WWP2: variants seen among roughly 807,000 people sequenced by gnomAD.
WWP2 encodes the protein WW domain containing E3 ubiquitin protein ligase 2.
A neutral mutation model predicts 121.0 loss-of-function variants in WWP2; 57 were observed. The observed-to-expected ratio is 0.47, with a 90% CI of 0.38 to 0.59. The LOEUF (loss-of-function observed/expected upper bound fraction) is 0.59. WWP2 is among the 20% of genes least tolerant of loss of function. WWP2 has a pLI of 0.00. For missense variants in WWP2, 962 were observed against 1,158.9 expected, an observed-to-expected ratio of 0.83 and a Z score of 2.47; for synonymous variants, 449 against 441.3, an observed-to-expected ratio of 1.02 and a Z score of -0.22.
chr16:69,821,913 C>A (rs1441821222), intron 4 of WWP2, among the ~76,000 whole-genome samples: 1 of 151,792 alleles, frequency 6.6e-6, no homozygotes, highest in Admixed American at 6.6e-5. Context: ...ACTCTGTCAC[C>A]CTGGCTAGCG....
At chr16:69,856,592 T>A (rs1275131010) in intron 6 of WWP2, among the ~76,000 whole-genome samples, 1 of 151,976 alleles carries the variant, frequency 6.6e-6, no homozygotes, top group Non-Finnish European at 1.5e-5. Flanking sequence ...CTGGCCAACA[T>A]GGTGAAACCA....
chr16:69,775,113 G>C (rs749221247), intron 1 of WWP2: 1 of 152,162 alleles, frequency 6.6e-6, no homozygotes, highest in Admixed American at 6.6e-5. Flanking sequence ...GGAGAAATAC[G>C]ATTGGACAAA....
In WWP2 at chr16:69,762,385, A is replaced by G. The variant is rs909336510; in HGVS notation, c.-22A>G. On this transcript the variant is annotated 5_prime_UTR_variant, in exon 1 of 24. Transcript: ENST00000359154. The stretch of plus-strand genomic sequence containing the variant: ...GGAGTTCGGCGCCGCTTCTGTGGCC[A>G]CGGCAGGTAGCGAGCGCTGGCGCGG... 1 of 148,814 alleles carries G rather than the reference A, an allele frequency of 6.7e-6. No individual in the cohort carries two copies. Among genetic ancestry groups the G allele is most frequent in the African/African-American group, 2.5e-5 (1 of 40,784 alleles). The allele number at this position is 148,814 out of a possible 1,614,324, so 9.2% of individuals were successfully genotyped here.
chr16:69,787,957 C>T (rs1282839977), intron 2 of WWP2: 1 of 152,480 alleles, frequency 6.6e-6, no homozygotes, highest in Non-Finnish European at 1.5e-5. Context: ...TAGTCCAGGC[C>T]ACCATTGTCT....
In WWP2 at chr16:69,931,858, C is replaced by G; in HGVS notation, c.1650C>G (p.Gly550=). The G allele has an allele frequency of 6.2e-7, 1 of 1,613,682 alleles. No individual in the cohort carries two copies. The highest frequency in any genetic ancestry group is 1.7e-5 in the Admixed American group (1 of 60,024). ...LRRRLYIIMR[G]EEGLDYGGIA... ...GCCGGCTCTACATCATCATGCGTGG[C>G]GAGGAGGGCCTGGACTATGGGGGCA... Residue 550 remains glycine, a synonymous_variant, in exon 16 of 24, where the codon GGC becomes GGG. Transcript: ENST00000359154.
In WWP2 at chr16:69,787,066, A is replaced by C. The variant is rs892120436; in HGVS notation, c.56A>C (p.Gln19Pro). 2 of 1,613,490 alleles carry C rather than the reference A, an allele frequency of 1.2e-6. No individual in the cohort carries two copies. The highest frequency in any genetic ancestry group is 8.5e-7 in the Non-Finnish European group (1 of 1,179,758). ...AGVALPFEKS[Q>P]LTLKVVSAKP... Reference sequence around the variant, plus strand: ...GTGGCCCTGCCTTTTGAGAAGTCTCAGCTCACTTTGAAAGGTGAGTGGCAC... The same window carrying C: ...GTGGCCCTGCCTTTTGAGAAGTCTCCGCTCACTTTGAAAGGTGAGTGGCAC... Residue 19 changes from glutamine to proline, a missense_variant, in exon 2 of 24, where the codon CAG (glutamine) becomes CCG (proline). Gln to Pro is a moderately conservative substitution (Grantham distance 76). Transcript: ENST00000359154.
chr16:69,825,721 G>C (rs2056675417), intron 4 of WWP2, among the ~76,000 whole-genome samples: 1 of 151,016 alleles, frequency 6.6e-6, no homozygotes, highest in African/African-American at 2.4e-5. Context: ...GACCTCCTGG[G>C]CTCAAGTGAT....
At chr16:69,854,811 A>G (rs1215721679) in intron 6 of WWP2, among the ~76,000 whole-genome samples, 1 of 152,150 alleles carries the variant, frequency 6.6e-6, no homozygotes, top group Non-Finnish European at 1.5e-5. Flanking sequence ...TTGGCCTCCC[A>G]AAGTGCTGGG....
chr16:69,907,066 T>C (rs2058306103), intron 8 of WWP2, among the ~76,000 whole-genome samples: 1 of 152,224 alleles, frequency 6.6e-6, no homozygotes, highest in Non-Finnish European at 1.5e-5. Flanking sequence ...TATGGCATTT[T>C]CTCTTGAGAA....
In WWP2 at chr16:69,925,177, G is replaced by A. The variant is rs1174236487; in HGVS notation, c.1180-253G>A. The stretch of plus-strand genomic sequence containing the variant: ...TTCACCCGCGTACCGCCTCCTCCCC[G>A]TCGCTCTGCCTTTTCCAAAACTCAC... On this transcript the variant is annotated intron_variant, in intron 10 of 23. Transcript: ENST00000359154. The surrounding 1 kb of genome is among the most constrained non-coding windows in gnomAD (Gnocchi z 4.0). 4.7e-6 allele frequency: 6 copies of A among 1,285,796 alleles called. No homozygotes were observed. The highest frequency in any genetic ancestry group is 5.9e-6 in the Non-Finnish European group (6 of 1,013,200). 79.6% of individuals were successfully genotyped at this position (1,285,796 alleles called of 1,614,324 possible).
chr16:69,801,936 AT>A (rs1270145422), intron 4 of WWP2, among the ~76,000 whole-genome samples: 1 of 149,972 alleles, frequency 6.7e-6, no homozygotes, highest in Non-Finnish European at 1.5e-5. Context: ...TTATTTATTT[AT>A]TTTTTTTTCT....
intron 6 of WWP2, among the ~76,000 whole-genome samples, chr16:69,854,678 G>A (rs937326094): frequency 6.6e-6 from 1 of 151,944 alleles, no homozygotes; most frequent in African/African-American, 2.4e-5. Context: ...AGCCTCCTGA[G>A]TAGCTGTGAC....
At chr16:69,870,298 C>CTT (rs5817675) in intron 6 of WWP2, among the ~76,000 whole-genome samples, 108 of 122,850 alleles carry the variant, frequency 8.8e-4, no homozygotes, top group East Asian at 4.6e-3. Flanking sequence ...TTTATTTATC[C>CTT]TTTTTTTTTT....
At chr16:69,842,264 G>A (rs1351208505) in intron 6 of WWP2, 144 bp downstream of exon 6, 7 of 702,560 alleles carry the variant, frequency 1.0e-5, no homozygotes, top group Non-Finnish European at 1.6e-5. Context: ...AGTTAAGAAA[G>A]CTAATAGAGG....
intron 7 of WWP2, among the ~76,000 whole-genome samples, chr16:69,887,184 T>C (rs1225280277): frequency 6.6e-6 from 1 of 152,198 alleles, no homozygotes; most frequent in African/African-American, 2.4e-5. Context: ...TCATTGTCTA[T>C]TATCTCAGAG....
rs1216139123 is a variant in WWP2, at chr16:69,925,601, C to T, written c.1234+117C>T. The T allele has an allele frequency of 1.5e-6, 2 of 1,321,166 alleles. No individual in the cohort carries two copies. Among genetic ancestry groups the T allele is most frequent in the African/African-American group, 1.5e-5 (1 of 68,010 alleles). The allele number at this position is 1,321,166 out of a possible 1,614,324, so 81.8% of individuals were successfully genotyped here. A position where few individuals can be genotyped will look rare whatever the true frequency, so the allele number is the denominator to read the frequency against. ...TCCCTCTGTTTTCCATCTCTCCCCT[C>T]TCCAGCACACTCTCTGGGCATGCCC... On this transcript the variant is annotated intron_variant, in intron 11 of 23. Transcript: ENST00000359154. The surrounding 1 kb of genome is among the most constrained non-coding windows in gnomAD (Gnocchi z 4.0).
chr16:69,903,133 A>G (rs553331866), intron 8 of WWP2, among the ~76,000 whole-genome samples: 9 of 152,342 alleles, frequency 5.9e-5, no homozygotes, highest in East Asian at 5.8e-4. Context: ...TTGCGGGACA[A>G]TAATAGTCCC....
intron 1 of WWP2, among the ~76,000 whole-genome samples, chr16:69,769,355 G>T (rs2055366141): frequency 6.6e-6 from 1 of 150,890 alleles, no homozygotes; most frequent in Admixed American, 6.6e-5. Flanking sequence ...TGGGTGCAAG[G>T]TTTATCTCTA....
At chr16:69,898,027 CT>C (rs369977148) in intron 8 of WWP2, among the ~76,000 whole-genome samples, 2,238 of 128,048 alleles carry the variant, frequency 0.017, 44 homozygotes, top group African/African-American at 0.059. Flanking sequence ...TTCTTTCTTT[CT>C]TTTTTTTTTT....
Sources: allele counts gnomAD v4.1 joint callset (sites outside exome capture counted in the v4.1 genomes callset), GRCh38; gene constraint gnomAD v4.1.1; non-coding constraint Gnocchi (gnomAD v3.1); transcripts MANE v1.5; gene names NCBI Gene and HGNC (gene_info 2026-07-23, HGNC 2026-07-21).